The following VPS13D variants were observed in gnomAD, a reference collection of about 807,000 sequenced individuals.
The protein encoded by VPS13D is vacuolar protein sorting 13 homolog D.
A neutral mutation model predicts 461.9 loss-of-function variants in VPS13D; 187 were observed. That is an observed-to-expected ratio of 0.40 (90% CI 0.36 to 0.46). The LOEUF is 0.46. Ranked by LOEUF, VPS13D falls within the 20% of genes least tolerant of loss-of-function variation. The pLI is 0.60. For synonymous variants in VPS13D, 1,951 were observed against 1,986.3 expected (o/e 0.98, Z 0.47); for missense variants, 4,711 against 5,364.9 (o/e 0.88, Z 3.81).
rs184572738 is a variant in VPS13D at position 12,254,724 on chromosome 1, A to G, written c.669+898A>G. Among the ~76,000 whole-genome samples, 262 of 151,668 alleles carry G rather than the reference A, an allele frequency of 1.7e-3. 4 individuals carry two copies. The highest frequency in any genetic ancestry group is 5.7e-3 in the African/African-American group (234 of 41,380). On this transcript the variant is annotated intron_variant, in intron 7 of 69. Coordinates refer to ENST00000620676, the MANE Select transcript of VPS13D (RefSeq NM_015378.4). ...TTTTTAGTAGAGATGGGGTTTCGCC[A>G]TATTGGCCAGGCCGGCTGGTCTCGA...
chr1:12,283,790 T>C, intron 21 of VPS13D, 54 bp downstream of exon 21: 1 of 1,500,004 alleles, frequency 6.7e-7, no homozygotes, highest in East Asian at 2.3e-5. Flanking sequence ...TTTGGGCTTG[T>C]TGATTTAAAT....
In VPS13D at chr1:12,373,743, A is replaced by G. The variant is rs1449465513; in HGVS notation, c.10809-7A>G. The G allele has an allele frequency of 6.8e-7, 1 of 1,460,734 alleles. No homozygotes were observed. The highest frequency in any genetic ancestry group is 9.0e-7 in the Non-Finnish European group (1 of 1,110,596). The allele number at this position is 1,460,734 out of a possible 1,614,324, so 90.5% of individuals were successfully genotyped here. ...TTTATGTAATATATATATTTTTTAA[A>G]TTCTAGCTTGCAGGAGGGAACAGGC... On this transcript the variant is annotated splice_polypyrimidine_tract_variant and splice_region_variant and intron_variant, in intron 54 of 69. Transcript: ENST00000620676.
At chr1:12,278,985 G>A (rs1028301485) in intron 19 of VPS13D, among the ~76,000 whole-genome samples, 27 of 152,192 alleles carry the variant, frequency 1.8e-4, no homozygotes, top group Admixed American at 3.9e-4. Context: ...TTACCCTTCT[G>A]TGGTCATCAG....
rs773711670 is a variant in VPS13D at position 12,258,002 on chromosome 1, T to G, written c.1009T>G (p.Cys337Gly). ...TGAGATCAGAGAGCAGAGGAAACGT[T>G]GCACCTGGGACTTTATGTTGCACCG... The part of the protein sequence containing the change: ...LYEIREQRKR[C>G]TWDFMLHRAR... The change falls in exon 10 of 70, where the codon TGC becomes GGC. Residue 337 changes from cysteine to glycine, a missense_variant. Around this residue, in one of 3 missense-constraint regions of VPS13D, gnomAD observed 4,411 missense variants for 4,937.8 expected, o/e 0.89. Transcript: ENST00000620676. 1 of 1,614,240 alleles carries G rather than the reference T, an allele frequency of 6.2e-7. No individual in the cohort carries two copies. The highest frequency in any genetic ancestry group is 2.2e-5 in the East Asian group (1 of 44,890).
intron 67 of VPS13D, among the ~76,000 whole-genome samples, chr1:12,491,636 T>C (rs1223093597): frequency 6.6e-6 from 1 of 152,222 alleles, no homozygotes; most frequent in Non-Finnish European, 1.5e-5. Context: ...AATGGCCAGA[T>C]GCAGGCACAC....
intron 52 of VPS13D, among the ~76,000 whole-genome samples, chr1:12,367,308 A>G (rs1030243621): frequency 2.0e-5 from 3 of 152,208 alleles, no homozygotes; most frequent in African/African-American, 4.8e-5. Context: ...GTTTCCCACC[A>G]TGTCACATCA....
At chr1:12,366,288 G>T (rs2101621216) in intron 52 of VPS13D, among the ~76,000 whole-genome samples, 1 of 152,236 alleles carries the variant, frequency 6.6e-6, no homozygotes, top group African/African-American at 2.4e-5. Flanking sequence ...CTTTGCCCTT[G>T]TCTTTTTTAG....
intron 52 of VPS13D, 81 bp from the exon 53 acceptor site, chr1:12,368,387 T>C (rs1363052035): frequency 8.7e-6 from 13 of 1,496,770 alleles, no homozygotes; most frequent in African/African-American, 8.4e-5. Flanking sequence ...AGTGTTGTGA[T>C]TGTCAGAAAT....
chr1:12,247,995 C>T (rs548014099), intron 5 of VPS13D, among the ~76,000 whole-genome samples: 1 of 151,666 alleles, frequency 6.6e-6, no homozygotes, highest in South Asian at 2.1e-4. Flanking sequence ...TCATGCCATT[C>T]TCCTGCCTCA....
intron 25 of VPS13D, among the ~76,000 whole-genome samples, chr1:12,302,572 GATTTTA>G (rs1023281317): frequency 1.3e-5 from 2 of 152,130 alleles, no homozygotes; most frequent in Admixed American, 6.6e-5. Context: ...TTGAGGATTT[GATTTTA>G]AGTGGCAGTG....
intron 6 of VPS13D, among the ~76,000 whole-genome samples, chr1:12,250,095 C>T (rs1333065869): frequency 2.0e-5 from 3 of 152,188 alleles, no homozygotes; most frequent in Admixed American, 6.5e-5. Context: ...CTTACATTTG[C>T]TGGTTTATAA....
rs527247240 is a variant in VPS13D at position 12,502,166 on chromosome 1, C to G, written c.12794+4535C>G. Among the ~76,000 whole-genome samples the G allele has an allele frequency of 6.6e-6, 1 of 152,114 alleles. No individual in the cohort carries two copies. Among genetic ancestry groups the G allele is most frequent in the Non-Finnish European group, 1.5e-5 (1 of 68,032 alleles). On this transcript the variant is annotated intron_variant, in intron 68 of 69. Transcript: ENST00000620676. The surrounding 1 kb of genome is among the most constrained non-coding windows in gnomAD (Gnocchi z 4.3). ...GTCATGAAAAATAAAACCTTGACAG[C>G]AGCAGGTAGAGAGACTGAAGGCAGG...
intron 67 of VPS13D, among the ~76,000 whole-genome samples, chr1:12,490,640 C>A (rs765371905): frequency 2.0e-4 from 30 of 151,722 alleles, no homozygotes; most frequent in Non-Finnish European, 2.9e-5. Context: ...ATGGTGGGAG[C>A]TACAGATCTG....
chr1:12,244,594 A>G lies in VPS13D; in HGVS notation c.424A>G (p.Thr142Ala). ...GTATTCAGTTACCGCCTCCGTAGTT[A>G]CAAGGATTGTGGAGAATATTGAAGT... ...YWYSVTASVV[T>A]RIVENIELKI... Residue 142 changes from threonine (T) to alanine (A), a missense_variant, in exon 5 of 70, where the codon ACA (threonine) becomes GCA (alanine). Thr to Ala is a moderately conservative substitution (Grantham distance 58). Transcript: ENST00000620676. 6.2e-7 allele frequency: 1 copy of G among 1,614,238 alleles called. No individual in the cohort carries two copies. Among genetic ancestry groups the G allele is most frequent in the African/African-American group, 1.3e-5 (1 of 75,070 alleles).
At chr1:12,414,949 T>A (rs1450095578) in intron 63 of VPS13D, 138 bp from the exon 64 acceptor site, 21 of 980,098 alleles carry the variant, frequency 2.1e-5, no homozygotes, top group Non-Finnish European at 2.7e-5. Flanking sequence ...ATAGGGAAAA[T>A]CCTTATTTAT....
intron 29 of VPS13D, among the ~76,000 whole-genome samples, chr1:12,312,527 G>A (rs1389048567): frequency 2.0e-5 from 3 of 152,228 alleles, no homozygotes; most frequent in Non-Finnish European, 4.4e-5. Flanking sequence ...GGAAGCCAAG[G>A]AAGGAGGATT....
chr1:12,331,711 TAAAAAAAAAAAA>T (rs757913489), intron 37 of VPS13D, among the ~76,000 whole-genome samples: 1 of 106,224 alleles, frequency 9.4e-6, no homozygotes, highest in African/African-American at 3.6e-5. Context: ...GACTCTGTCT[TAAAAAAAAAAAA>T]AAAAAAAAAA....
chr1:12,408,317 A>AAGAG (rs138830414), intron 63 of VPS13D, among the ~76,000 whole-genome samples: 3 of 146,288 alleles, frequency 2.1e-5, no homozygotes, highest in African/African-American at 5.3e-5. Flanking sequence ...ATTTATACCA[A>AAGAG]AGAGAGAGAG....
chr1:12,328,908 G>A lies in VPS13D; in HGVS notation c.8198-921G>A, dbSNP rs144879170. ...TTTAGTTTTAACTTTCCATTGTTTC[G>A]ATCTTGCCAGCCTCTTCTTCCTTCA... On this transcript the variant is annotated intron_variant, in intron 36 of 69. Transcript: ENST00000620676. Among the ~76,000 whole-genome samples the A allele has an allele frequency of 4.9e-3, 748 of 152,216 alleles. 4 individuals carry two copies. Among genetic ancestry groups the A allele is most frequent in the African/African-American group, 0.017 (723 of 41,544 alleles).
Sources: gnomAD v4.1 joint callset for allele counts (sites outside exome capture counted in the v4.1 genomes callset) on GRCh38, gnomAD v4.1.1 for gene constraint, gnomAD v4.1.1 regional missense constraint, Gnocchi (gnomAD v3.1) non-coding constraint, MANE v1.5 for transcripts, NCBI Gene and HGNC (gene_info 2026-07-23, HGNC 2026-07-21) for gene names.